The following NF1 variants were observed in gnomAD, a reference collection of about 807,000 sequenced individuals.
NF1 encodes neurofibromin.
NF1 carries 122 observed loss-of-function variants against 325.7 expected under a neutral mutation model. The ratio of observed to expected loss-of-function variants is 0.37; its 90% CI spans 0.32 to 0.44. NF1 has a LOEUF of 0.44. NF1 is among the 20% of genes least tolerant of loss of function. NF1 has a pLI of 1.00. For missense variants in NF1, 2,140 were observed against 3,415.4 expected (o/e 0.63, Z 9.31); for synonymous variants, 1,091 against 1,186.0 (o/e 0.92, Z 1.65).
Position 31,163,251 on chromosome 17 carries a change from C to T in NF1, c.354C>T (p.Cys118=), listed in dbSNP as rs768777585. The T allele has an allele frequency of 3.2e-5, 51 of 1,614,000 alleles. No individual in the cohort carries two copies. The Middle Eastern group carries it at 4.9e-4, about 16-fold the overall frequency. The change falls in exon 4 of 58, where the codon TGC becomes TGT. Residue 118 remains cysteine (C), a synonymous_variant. Transcript: ENST00000358273. ...TCAAACAGTTGCTGCCAGAAATCTG[C>T]CATTTTCTTCACACCTGTCGTGAAG... ...MLVKQLLPEI[C]HFLHTCREGN...
At chr17:31,242,908 G>A (rs2067324519) in intron 29 of NF1, among the ~76,000 whole-genome samples, 2 of 152,136 alleles carry the variant, frequency 1.3e-5, no homozygotes, top group Admixed American at 1.3e-4. Context: ...TTTGTAGTCT[G>A]GGCTTGTTTG....
At chr17:31,166,789 G>A (rs2065853975) in intron 4 of NF1, among the ~76,000 whole-genome samples, 1 of 152,010 alleles carries the variant, frequency 6.6e-6, no homozygotes, top group African/African-American at 2.4e-5. Flanking sequence ...AGGGTACAAG[G>A]CGTTTATATC....
Position 31,179,746 on chromosome 17 carries a change from G to A in NF1, c.587-1676G>A, listed in dbSNP as rs571628541. Reference sequence around the variant, plus strand: ...TGCAGTGAGCCAGGATCGTGCAACTGCACTCCAACCTGGGCGACAGAGCAA... The same window carrying A: ...TGCAGTGAGCCAGGATCGTGCAACTACACTCCAACCTGGGCGACAGAGCAA... On this transcript the variant is annotated intron_variant, in intron 5 of 57. Coordinates refer to ENST00000358273, the MANE Select transcript of NF1 (RefSeq NM_001042492.3). Among the ~76,000 whole-genome samples, 4 of 151,314 alleles carry A rather than the reference G, an allele frequency of 2.6e-5. No homozygotes were observed. The East Asian group carries it at 5.8e-4, about 22-fold the overall frequency.
At chr17:31,324,797 T>G (rs1046655758) in intron 36 of NF1, among the ~76,000 whole-genome samples, 8 of 151,714 alleles carry the variant, frequency 5.3e-5, no homozygotes, top group Admixed American at 3.3e-4. Context: ...CCTGGCCTTA[T>G]GTAACCCACC....
At chr17:31,248,347 C>G (rs943766332) in intron 29 of NF1, among the ~76,000 whole-genome samples, 1 of 152,132 alleles carries the variant, frequency 6.6e-6, no homozygotes, top group East Asian at 1.9e-4. Context: ...CTCTCTCCCC[C>G]TTTTGTTGCT....
At chr17:31,342,673 C>T (rs1361038154) in intron 47 of NF1, among the ~76,000 whole-genome samples, 1 of 151,836 alleles carries the variant, frequency 6.6e-6, no homozygotes, top group Non-Finnish European at 1.5e-5. Context: ...GTAGCGGGAG[C>T]TAATATTGAT....
At chr17:31,274,757 A>G (rs1320069460) in intron 36 of NF1, among the ~76,000 whole-genome samples, 1 of 151,542 alleles carries the variant, frequency 6.6e-6, no homozygotes, top group African/African-American at 2.4e-5. Flanking sequence ...TAGTAATAGT[A>G]ATAGTAATGT....
rs1184429340 is a variant in NF1 at position 31,321,835 on chromosome 17, C to T, written c.4836-3985C>T. The T allele has an allele frequency of 2.6e-5, 4 of 152,090 alleles. No homozygotes were observed. The East Asian group carries it at 7.7e-4, about 29-fold the overall frequency. The allele number at this position is 152,090 out of a possible 1,614,324, so 9.4% of individuals were successfully genotyped here. A position where few individuals can be genotyped will look rare whatever the true frequency, so the allele number is the denominator to read the frequency against. The stretch of plus-strand genomic sequence containing the variant: ...GGGTTTTCCACTTAATGCCTTTTGA[C>T]AGTATGCTCATTCTATAGGCCTGCT... On this transcript the variant is annotated intron_variant, in intron 36 of 57. Transcript: ENST00000358273.
rs2067021817 is a variant in NF1 at position 31,226,699 on chromosome 17, T to A, written c.2251+15T>A. On this transcript the variant is annotated intron_variant, in intron 18 of 57. Transcript: ENST00000358273. Reference sequence around the variant, plus strand: ...GATGTCAACAGGTAAATGTGAATAGTGGTTTTTTTTACTCAGTCTGCCTCA... The same window carrying A: ...GATGTCAACAGGTAAATGTGAATAGAGGTTTTTTTTACTCAGTCTGCCTCA... 1.2e-6 allele frequency: 2 copies of A among 1,613,398 alleles called. No individual in the cohort carries two copies. The highest frequency in any genetic ancestry group is 1.7e-6 in the Non-Finnish European group (2 of 1,179,738).
At chr17:31,153,318 C>T (rs746597099) in intron 1 of NF1, among the ~76,000 whole-genome samples, 31 of 152,238 alleles carry the variant, frequency 2.0e-4, no homozygotes, top group Non-Finnish European at 3.2e-4. Context: ...CTACATGTGA[C>T]GACTAGTGGC....
intron 8 of NF1, among the ~76,000 whole-genome samples, chr17:31,190,972 G>C (rs1306007843): frequency 2.6e-5 from 4 of 152,020 alleles, no homozygotes; most frequent in African/African-American, 9.7e-5. Flanking sequence ...CCTTGATTGT[G>C]GTACTCATTT....
rs763028083 is a variant in NF1, at chr17:31,340,510, G to A, written c.6927G>A (p.Ser2309=). The A allele has an allele frequency of 1.3e-5, 21 of 1,613,956 alleles. No homozygotes were observed. Among genetic ancestry groups the A allele is most frequent in the Middle Eastern group, 3.3e-4 (2 of 6,084 alleles). The change falls in exon 47 of 58, where the codon TCG becomes TCA. Residue 2309 remains serine, a synonymous_variant. Transcript: ENST00000358273. Reference sequence around the variant, plus strand: ...AAACATATCTTCTTTGCCAGGACTCGCCTCTGCACAAAGCCCTCTTTTGGG... The same window carrying A: ...AAACATATCTTCTTTGCCAGGACTCACCTCTGCACAAAGCCCTCTTTTGGG... The part of the protein sequence containing the change: ...TKLQPLLNKD[S]PLHKALFWVA...
intron 3 of NF1, among the ~76,000 whole-genome samples, chr17:31,160,766 G>A (rs1478628576): frequency 1.3e-5 from 2 of 152,146 alleles, no homozygotes; most frequent in Admixed American, 1.3e-4. Flanking sequence ...TAATTGAGAG[G>A]TAATAATGAA....
chr17:31,149,531 T>C (rs1267659259), intron 1 of NF1, among the ~76,000 whole-genome samples: 2 of 152,168 alleles, frequency 1.3e-5, no homozygotes. Context: ...ATTGCCTGCC[T>C]TGGCCTCAGC....
chr17:31,197,634 A>AT (rs1427852066), intron 8 of NF1, among the ~76,000 whole-genome samples: 6 of 151,774 alleles, frequency 4.0e-5, no homozygotes, highest in Admixed American at 6.6e-5. Context: ...AATCCAGCTG[A>AT]TTTTTGTGTG....
At chr17:31,180,705 T>C (rs2066112631) in intron 5 of NF1, among the ~76,000 whole-genome samples, 1 of 152,194 alleles carries the variant, frequency 6.6e-6, no homozygotes, top group Admixed American at 6.5e-5. Flanking sequence ...ATGCCCTCTC[T>C]CACCACTCCT....
intron 11 of NF1, among the ~76,000 whole-genome samples, chr17:31,204,163 T>G (rs2066579320): frequency 6.6e-6 from 1 of 152,146 alleles, no homozygotes; most frequent in African/African-American, 2.4e-5. Flanking sequence ...TACACACTTA[T>G]GAACCAATTA....
At chr17:31,282,261 A>G (rs1169752695) in intron 36 of NF1, among the ~76,000 whole-genome samples, 1 of 151,742 alleles carries the variant, frequency 6.6e-6, no homozygotes, top group East Asian at 1.9e-4. Flanking sequence ...AGGCACCTGT[A>G]GTCCCAGCTA....
chr17:31,304,574 C>A, intron 36 of NF1: 4 of 1,614,084 alleles, frequency 2.5e-6, no homozygotes, highest in Non-Finnish European at 3.4e-6. Flanking sequence ...CCTTCCAAAT[C>A]CAGAAGGGGA....
Sources: allele counts gnomAD v4.1 joint callset (sites outside exome capture counted in the v4.1 genomes callset), GRCh38; gene constraint gnomAD v4.1.1; transcripts MANE v1.5; gene names NCBI Gene and HGNC (gene_info 2026-07-23, HGNC 2026-07-21).